The following RGS7 variants were observed in gnomAD, a reference collection of about 807,000 sequenced individuals.
RGS7 encodes regulator of G protein signaling 7.
Under a neutral mutation model 81.1 loss-of-function variants are expected in RGS7, and 27 were observed. The ratio of observed to expected loss-of-function variants is 0.33; its 90% CI spans 0.25 to 0.46. The LOEUF (loss-of-function observed/expected upper bound fraction) is 0.46, where lower values mean the gene tolerates loss of function less well. Ranked by LOEUF, RGS7 falls within the 20% of genes least tolerant of loss-of-function variation. RGS7 has a pLI of 1.00. For synonymous variants in RGS7, 208 were observed against 207.7 expected, an observed-to-expected ratio of 1.00 and a Z score of -0.01; for missense variants, 396 against 607.4, an observed-to-expected ratio of 0.65 and a Z score of 3.66.
chr1:241,127,833 C>G (rs1271549242), intron 2 of RGS7, among the ~76,000 whole-genome samples: 2 of 151,906 alleles, frequency 1.3e-5, no homozygotes, highest in African/African-American at 4.8e-5. Flanking sequence ...GGAGATTATT[C>G]TCTTCAAATG....
intron 4 of RGS7, among the ~76,000 whole-genome samples, chr1:240,975,829 C>G (rs1207741454): frequency 6.6e-6 from 1 of 152,230 alleles, no homozygotes; most frequent in Non-Finnish European, 1.5e-5. Context: ...CACAGAAGGG[C>G]AGGTTTAAAA....
At chr1:240,851,161 T>C (rs1169071120) in intron 9 of RGS7, among the ~76,000 whole-genome samples, 1 of 152,204 alleles carries the variant, frequency 6.6e-6, no homozygotes, top group Non-Finnish European at 1.5e-5. Context: ...CTTCAAAGCT[T>C]GGAAGGACAG....
chr1:240,892,363 AT>A, intron 6 of RGS7, among the ~76,000 whole-genome samples: 1 of 152,244 alleles, frequency 6.6e-6, no homozygotes, highest in East Asian at 1.9e-4. Flanking sequence ...AACAAGGGCT[AT>A]TTTTTTGTAT....
chr1:241,173,879 T>C (rs2070915130), intron 2 of RGS7, among the ~76,000 whole-genome samples: 1 of 152,192 alleles, frequency 6.6e-6, no homozygotes. Flanking sequence ...CAGAGATTTA[T>C]AGTAAATCTT....
intron 2 of RGS7, among the ~76,000 whole-genome samples, chr1:241,261,671 T>G (rs1319157751): frequency 6.6e-6 from 1 of 150,438 alleles, no homozygotes; most frequent in Non-Finnish European, 1.5e-5. Context: ...ATTTAGATAG[T>G]CACCCCAATC....
At chr1:240,805,808 A>G (rs1688739216) in intron 15 of RGS7, among the ~76,000 whole-genome samples, 1 of 152,204 alleles carries the variant, frequency 6.6e-6, no homozygotes, top group South Asian at 2.1e-4. Context: ...TGTTTTAAAA[A>G]ATCTTTTACT....
rs574508683 is a variant in RGS7 at position 240,848,500 on chromosome 1, A to C, written c.609+20087T>G. ...AATAATAAGACCAAAAAATAATAAG[A>C]CCATTTTCAAATTTTCAGAATTTGA... is the stretch of plus-strand genomic sequence containing the variant. On this transcript the variant is annotated intron_variant, in intron 9 of 18. Transcript: ENST00000440928. 2.0e-5 allele frequency among the ~76,000 whole-genome samples: 3 copies of C among 152,266 alleles called. No individual in the cohort carries two copies. In the East Asian group the frequency reaches 5.8e-4, roughly 29 times the overall value.
intron 6 of RGS7, among the ~76,000 whole-genome samples, chr1:240,889,103 C>T (rs373588147): frequency 3.3e-4 from 50 of 152,160 alleles, no homozygotes; most frequent in African/African-American, 1.2e-3. Flanking sequence ...ACTACAGGCG[C>T]CCGCCACCAC....
intron 2 of RGS7, among the ~76,000 whole-genome samples, chr1:241,156,265 G>A (rs1266874372): frequency 6.6e-6 from 1 of 152,084 alleles, no homozygotes; most frequent in Non-Finnish European, 1.5e-5. Context: ...CCTGAAGCTG[G>A]AGGATTGCTT....
At chr1:241,004,747 T>G (rs1229488317) in intron 3 of RGS7, among the ~76,000 whole-genome samples, 1 of 152,144 alleles carries the variant, frequency 6.6e-6, no homozygotes, top group Non-Finnish European at 1.5e-5. Flanking sequence ...ATTCCTTCCT[T>G]CTGGGTATGG....
At chr1:240,900,828 CA>C (rs1669874745) in intron 6 of RGS7, among the ~76,000 whole-genome samples, 1 of 152,212 alleles carries the variant, frequency 6.6e-6, no homozygotes, top group Admixed American at 6.5e-5. Flanking sequence ...AGCTGTCAGA[CA>C]GGGGCGTTTA....
chr1:240,843,561 C>T (rs1487877247), intron 9 of RGS7, among the ~76,000 whole-genome samples: 7 of 152,110 alleles, frequency 4.6e-5, no homozygotes, highest in East Asian at 1.9e-4. Context: ...CCACTATGCC[C>T]GGCCTGACAC....
chr1:241,043,527 C>CAT (rs1209759860), intron 3 of RGS7, among the ~76,000 whole-genome samples: 1 of 147,286 alleles, frequency 6.8e-6, no homozygotes. Context: ...GATATTAATA[C>CAT]ATATATAGAT....
intron 2 of RGS7, among the ~76,000 whole-genome samples, chr1:241,174,532 A>T (rs981251565): frequency 1.3e-5 from 2 of 152,214 alleles, no homozygotes; most frequent in Admixed American, 1.3e-4. Context: ...TAAAGATCTC[A>T]ACTCAATCAT....
intron 3 of RGS7, among the ~76,000 whole-genome samples, chr1:241,016,378 T>C (rs912908304): frequency 1.6e-4 from 25 of 151,752 alleles, no homozygotes; most frequent in African/African-American, 5.1e-4. Context: ...ATTAGCTGGG[T>C]GTGGCGGCAT....
At chr1:241,248,398 A>ATG (rs1345395015) in intron 2 of RGS7, among the ~76,000 whole-genome samples, 4 of 148,070 alleles carry the variant, frequency 2.7e-5, no homozygotes, top group African/African-American at 9.8e-5. Context: ...ATACATACAT[A>ATG]TGTATATATA....
At chr1:241,183,997 C>T (rs1305051941) in intron 2 of RGS7, among the ~76,000 whole-genome samples, 1 of 152,102 alleles carries the variant, frequency 6.6e-6, no homozygotes, top group Non-Finnish European at 1.5e-5. Flanking sequence ...CGATGGGAGT[C>T]AGAACTACCC....
chr1:240,880,098 G>T (rs1032899475), intron 6 of RGS7, among the ~76,000 whole-genome samples: 3 of 152,194 alleles, frequency 2.0e-5, no homozygotes, highest in African/African-American at 7.2e-5. Flanking sequence ...CTGGAGTGCA[G>T]TGGTACAACC....
At chr1:240,953,898 A>G (rs542780960) in intron 4 of RGS7, among the ~76,000 whole-genome samples, 1 of 152,198 alleles carries the variant, frequency 6.6e-6, no homozygotes, top group Admixed American at 6.5e-5. Flanking sequence ...CAAATTACCA[A>G]TATCAGAAAT....
Sources: allele counts gnomAD v4.1 joint callset (sites outside exome capture counted in the v4.1 genomes callset), GRCh38; gene constraint gnomAD v4.1.1; transcripts MANE v1.5; gene names NCBI Gene and HGNC (gene_info 2026-07-23, HGNC 2026-07-21).